RMDN1: variants seen among roughly 807,000 people sequenced by gnomAD.
The protein encoded by RMDN1 is regulator of microtubule dynamics 1.
RMDN1 carries 48 observed loss-of-function variants against 48.9 expected under a neutral mutation model. That is an observed-to-expected ratio of 0.98 (90% CI 0.78 to 1.25). The LOEUF (loss-of-function observed/expected upper bound fraction) is 1.25. Among genes scored for constraint, RMDN1 ranks in the 50% most tolerant of loss-of-function variants. The probability of loss-of-function intolerance (pLI) is 0.00; values close to 1 mark genes in which losing one functional copy is unlikely to be tolerated. For synonymous variants in RMDN1, 148 were observed against 132.6 expected, an observed-to-expected ratio of 1.12 and a Z score of -0.80; for missense variants, 418 against 373.4, an observed-to-expected ratio of 1.12 and a Z score of -0.98.
At chr8:86,471,324 C>T (rs1169411068), downstream of RMDN1, among the ~76,000 whole-genome samples, 4 of 151,662 alleles carry the variant, frequency 2.6e-5, no homozygotes, top group Admixed American at 6.6e-5. Flanking sequence ...CTAACCCAGA[C>T]CCTTTCTTCC....
intron 8 of RMDN1, 43 bp from the exon 9 acceptor site, chr8:86,474,996 TG>T (rs1813129872): frequency 4.0e-6 from 6 of 1,517,618 alleles, no homozygotes; most frequent in Non-Finnish European, 5.3e-6. Context: ...GAAACAGTGT[TG>T]CTTTTATTTT....
Position 86,478,940 on chromosome 8 carries a change from TAGG to T in RMDN1, c.709_711del (p.Pro237del), listed in dbSNP as rs2130618697. The T allele has an allele frequency of 1.2e-6, 2 of 1,613,752 alleles. No individual in the cohort carries two copies. Among genetic ancestry groups the T allele is most frequent in the South Asian group, 1.1e-5 (1 of 91,080 alleles). ...CATACTACCTTCTCATAGGTGGAAC[TAGG>T]AGGAGTTGCAAACAGCATTTTAGCA... On this transcript the variant is annotated inframe_deletion, in exon 7 of 10. Coordinates refer to ENST00000406452, the MANE Select transcript of RMDN1 (RefSeq NM_016033.3).
chr8:86,485,725 A>C (rs1298335725), intron 4 of RMDN1, among the ~76,000 whole-genome samples: 2 of 152,176 alleles, frequency 1.3e-5, no homozygotes, highest in Non-Finnish European at 2.9e-5. Context: ...AACTGAGATG[A>C]CCTGAGTTTC....
Position 86,514,302 on chromosome 8 carries a change from A to C in RMDN1, c.-64T>G, listed in dbSNP as rs1820197761. On this transcript the variant is annotated 5_prime_UTR_variant, in exon 1 of 10. Transcript: ENST00000523911. The stretch of plus-strand genomic sequence containing the variant: ...GCCTCCAGAATGGCCTCGAAGCGCC[A>C]GCCTACTGGCAAGGAGCTGACATGC... 5.1e-6 allele frequency: 5 copies of C among 983,952 alleles called. No homozygotes were observed. In the African/African-American group the frequency reaches 7.0e-5, roughly 14 times the overall value. 61.0% of individuals were successfully genotyped at this position (983,952 alleles called of 1,614,324 possible). A position where few individuals can be genotyped will look rare whatever the true frequency, so the allele number is the denominator to read the frequency against.
upstream of RMDN1, chr8:86,508,908 A>G (rs976949218): frequency 7.4e-6 from 5 of 674,158 alleles, no homozygotes; most frequent in African/African-American, 5.6e-5. Flanking sequence ...TTTCTGCTCC[A>G]TCTCTCTAGG....
chr8:86,489,081 T>C (rs1006631869), intron 2 of RMDN1, among the ~76,000 whole-genome samples: 2 of 152,244 alleles, frequency 1.3e-5, no homozygotes, highest in Non-Finnish European at 2.9e-5. Flanking sequence ...GTCTTTGTTG[T>C]TGCTGCTGTT....
At position 86,474,333 on chromosome 8, in the gene RMDN1, A is replaced by G; in HGVS notation, c.920T>C (p.Leu307Pro). 1 of 1,613,534 alleles carries G rather than the reference A, an allele frequency of 6.2e-7. No homozygotes were observed. Among genetic ancestry groups the G allele is most frequent in the South Asian group, 1.1e-5 (1 of 91,024 alleles). Residue 307 changes from leucine (L) to proline (P), a missense_variant, in exon 10 of 10, where the codon CTT (leucine) becomes CCT (proline). Physicochemically the swap from Leu to Pro is moderately conservative, Grantham distance 98. Coordinates refer to ENST00000406452, the MANE Select transcript of RMDN1 (RefSeq NM_016033.3). The stretch of plus-strand genomic sequence containing the variant: ...TCAATTCTTCTCACTGAAACTTGTA[A>G]GCAACTGAGCAGCTTCTGTCTGTAT... ...KQIQTEAAQL[L>P]TSFSEKN
At chr8:86,480,227 A>G in intron 6 of RMDN1, 50 bp downstream of exon 6, 1 of 917,030 alleles carries the variant, frequency 1.1e-6, no homozygotes, top group Non-Finnish European at 1.7e-6. Context: ...TATACATACT[A>G]CAAAATATCA....
At chr8:86,468,269 T>C (rs959524442), downstream of RMDN1, 2 of 394,130 alleles carry the variant, frequency 5.1e-6, no homozygotes, top group Non-Finnish European at 9.8e-6. Context: ...ACAGTAATTA[T>C]TGTTTTGCCA....
At chr8:86,488,700 A>C in intron 2 of RMDN1, 61 bp from the exon 3 acceptor site, 1 of 1,152,916 alleles carries the variant, frequency 8.7e-7, no homozygotes, top group Non-Finnish European at 1.2e-6. Flanking sequence ...TCAGATGACA[A>C]TAATTCAAAG....
At chr8:86,477,074 A>G (rs1406814724) in intron 8 of RMDN1, among the ~76,000 whole-genome samples, 2 of 152,200 alleles carry the variant, frequency 1.3e-5, no homozygotes, top group African/African-American at 4.8e-5. Context: ...ATTACATCAA[A>G]TGATAGACAT....
chr8:86,476,284 G>A (rs1813362142), intron 8 of RMDN1, among the ~76,000 whole-genome samples: 1 of 152,202 alleles, frequency 6.6e-6, no homozygotes, highest in Non-Finnish European at 1.5e-5. Context: ...ATGATCAAGA[G>A]AGGGTATCAG....
chr8:86,487,519 T>C (rs1481533741), intron 3 of RMDN1, among the ~76,000 whole-genome samples: 1 of 152,180 alleles, frequency 6.6e-6, no homozygotes, highest in African/African-American at 2.4e-5. Flanking sequence ...ACCTGGAGGG[T>C]AGAGGTTGCA....
At chr8:86,484,456 A>T (rs535262409) in intron 5 of RMDN1, among the ~76,000 whole-genome samples, 1 of 152,176 alleles carries the variant, frequency 6.6e-6, no homozygotes, top group Admixed American at 6.5e-5. Context: ...AGTGGCTCAC[A>T]CCTATAATCC....
intron 2 of RMDN1, among the ~76,000 whole-genome samples, chr8:86,503,433 G>A (rs1818742342): frequency 6.7e-6 from 1 of 149,374 alleles, no homozygotes; most frequent in Non-Finnish European, 1.5e-5. Context: ...CTGTAATGGT[G>A]AGAGTTTAGA....
intron 2 of RMDN1, chr8:86,504,123 T>G (rs888050706): frequency 4.3e-6 from 5 of 1,167,786 alleles, no homozygotes; most frequent in Non-Finnish European, 5.2e-6. Context: ...TCCTTGGGTC[T>G]GAAGAGCTAT....
upstream of RMDN1, among the ~76,000 whole-genome samples, chr8:86,511,723 C>T (rs548674548): frequency 2.6e-5 from 4 of 151,430 alleles, no homozygotes; most frequent in South Asian, 4.2e-4. Context: ...GGAGGATCGC[C>T]TCAGGCTAAA....
Position 86,508,670 on chromosome 8 carries a change from G to T in RMDN1, c.-50C>A. ...TGCACTACTTCAGGCAGCTACGGAG[G>T]CGGGCGGGGCTAAAGGAGATTCAAT... On this transcript the variant is annotated 5_prime_UTR_variant, in exon 1 of 10. Transcript: ENST00000406452. 1 of 1,533,258 alleles carries T rather than the reference G, an allele frequency of 6.5e-7. No individual in the cohort carries two copies. Among genetic ancestry groups the T allele is most frequent in the Non-Finnish European group, 8.8e-7 (1 of 1,141,946 alleles). 95.0% of individuals were successfully genotyped at this position (1,533,258 alleles called of 1,614,324 possible).
chr8:86,472,203 T>C (rs1812664728), downstream of RMDN1: 1 of 575,578 alleles, frequency 1.7e-6, no homozygotes, highest in Admixed American at 3.1e-5. Flanking sequence ...CAAACACACA[T>C]GTATAAATAC....
Sources: allele counts gnomAD v4.1 joint callset (sites outside exome capture counted in the v4.1 genomes callset), GRCh38; gene constraint gnomAD v4.1.1; transcripts MANE v1.5; gene names NCBI Gene and HGNC (gene_info 2026-07-23, HGNC 2026-07-21).